The following RPH3AL variants were observed in gnomAD, a reference collection of about 807,000 sequenced individuals.
RPH3AL encodes the protein rabphilin 3A like (without C2 domains), also known as rab effector Noc2.
A neutral mutation model predicts 43.1 loss-of-function variants in RPH3AL; 38 were observed. The observed-to-expected ratio is 0.88, with a 90% CI of 0.68 to 1.15. The LOEUF is 1.15. Among genes scored for constraint, RPH3AL ranks in the 50% most tolerant of loss-of-function variants. RPH3AL has a pLI of 0.00. For synonymous variants in RPH3AL, 189 were observed against 176.3 expected (o/e 1.07, Z -0.57); for missense variants, 462 against 423.2 (o/e 1.09, Z -0.81).
chr17:232,290 G>A (rs8075084), intron 7 of RPH3AL, among the ~76,000 whole-genome samples: 17,112 of 152,202 alleles, frequency 0.11, 1,044 homozygotes, highest in Middle Eastern at 0.16. Context: ...TAGCGGCCCC[G>A]TCACAGGTTG....
In RPH3AL at chr17:213,342, C is replaced by T. The variant is rs1010923071; in HGVS notation, c.*510G>A. 5.9e-5 allele frequency: 10 copies of T among 169,800 alleles called. No individual in the cohort carries two copies. The highest frequency in any genetic ancestry group is 1.3e-4 in the South Asian group (1 of 7,520). The allele number at this position is 169,800 out of a possible 1,614,324, so 10.5% of individuals were successfully genotyped here. On this transcript the variant is annotated 3_prime_UTR_variant, in exon 10 of 10. Coordinates refer to ENST00000331302, the MANE Select transcript of RPH3AL (RefSeq NM_006987.4). Reference sequence around the variant, plus strand: ...GCCAGCCCATGGGAGGGGGGCACTGCGCCTGCCTCCCAGAGCTGAAGGGAG... The same window carrying T: ...GCCAGCCCATGGGAGGGGGGCACTGTGCCTGCCTCCCAGAGCTGAAGGGAG...
At chr17:317,179 A>G (rs981120105) in intron 5 of RPH3AL, among the ~76,000 whole-genome samples, 5 of 133,718 alleles carry the variant, frequency 3.7e-5, no homozygotes, top group Admixed American at 7.7e-5. Flanking sequence ...CCTGTGCTCC[A>G]CCTCCATTGA....
intron 7 of RPH3AL, among the ~76,000 whole-genome samples, chr17:235,713 T>G (rs1181518992): frequency 1.8e-5 from 1 of 55,918 alleles, no homozygotes; most frequent in Admixed American, 2.0e-4. Context: ...GGTTCAAAGC[T>G]GGGGTCAGCG....
At chr17:315,579 C>T (rs1555520109) in intron 5 of RPH3AL, among the ~76,000 whole-genome samples, 2 of 152,018 alleles carry the variant, frequency 1.3e-5, no homozygotes, top group Admixed American at 6.5e-5. Context: ...CCTCCATTGA[C>T]CTGTAGTCCC....
chr17:320,896 C>G (rs970511845), intron 4 of RPH3AL, among the ~76,000 whole-genome samples: 2 of 152,218 alleles, frequency 1.3e-5, no homozygotes, highest in Admixed American at 6.5e-5. Context: ...CCTGCTGGAG[C>G]CTTTCAGGGG....
chr17:305,723 C>T (rs184210241), intron 5 of RPH3AL, among the ~76,000 whole-genome samples: 1 of 152,114 alleles, frequency 6.6e-6, no homozygotes, highest in African/African-American at 2.4e-5. Flanking sequence ...CTCTCCTCAA[C>T]CTGGGCCCAC....
intron 7 of RPH3AL, among the ~76,000 whole-genome samples, chr17:239,174 G>C (rs1035719331): frequency 1.3e-5 from 2 of 152,174 alleles, no homozygotes; most frequent in African/African-American, 4.8e-5. Flanking sequence ...GGGAGGGAGA[G>C]AGCAGCAAAC....
chr17:348,077 C>T (rs2045276826), intron 1 of RPH3AL, among the ~76,000 whole-genome samples: 1 of 128,862 alleles, frequency 7.8e-6, no homozygotes. Flanking sequence ...GGCAACCCTT[C>T]TCTGCAAGGA....
intron 6 of RPH3AL, among the ~76,000 whole-genome samples, chr17:278,452 G>T (rs1342961576): frequency 6.6e-6 from 1 of 152,074 alleles, no homozygotes; most frequent in Non-Finnish European, 1.5e-5. Flanking sequence ...AAGTCACACT[G>T]GTCTCCTCGC....
At chr17:352,344 C>A (rs558748547) in intron 1 of RPH3AL, among the ~76,000 whole-genome samples, 1 of 152,230 alleles carries the variant, frequency 6.6e-6, no homozygotes, top group East Asian at 1.9e-4. Flanking sequence ...CCCCACTCCC[C>A]CAAATCCATC....
At chr17:292,545 T>A (rs978257593) in intron 5 of RPH3AL, among the ~76,000 whole-genome samples, 2 of 152,164 alleles carry the variant, frequency 1.3e-5, no homozygotes, top group African/African-American at 4.8e-5. Flanking sequence ...GTTAAGCAGC[T>A]CGACGTGGGG....
At chr17:219,526 CTT>C (rs375837087) in intron 8 of RPH3AL, 95 bp downstream of exon 8, 839 of 143,996 alleles carry the variant, frequency 5.8e-3, no homozygotes, top group East Asian at 0.015. Flanking sequence ...CTTTTTCTTC[CTT>C]TTTTTTTTTT....
intron 6 of RPH3AL, among the ~76,000 whole-genome samples, chr17:263,859 C>T (rs2042256838): frequency 6.6e-6 from 1 of 152,232 alleles, no homozygotes; most frequent in Admixed American, 6.5e-5. Context: ...CCACACATCA[C>T]TGCACCCACC....
intron 6 of RPH3AL, among the ~76,000 whole-genome samples, chr17:266,936 G>C (rs115065213): frequency 1.5e-3 from 224 of 152,316 alleles, no homozygotes; most frequent in African/African-American, 5.1e-3. Flanking sequence ...GCGTGCCCCT[G>C]GATCAGGGAG....
intron 6 of RPH3AL, among the ~76,000 whole-genome samples, chr17:258,591 G>A (rs782781378): frequency 1.1e-4 from 16 of 151,868 alleles, no homozygotes; most frequent in Non-Finnish European, 2.1e-4. Flanking sequence ...CCCAGCCCCC[G>A]GCCCGTGCCT....
At chr17:294,391 C>T (rs145243661) in intron 5 of RPH3AL, among the ~76,000 whole-genome samples, 2 of 152,160 alleles carry the variant, frequency 1.3e-5, no homozygotes, top group African/African-American at 4.8e-5. Flanking sequence ...AAGGTCGAGG[C>T]TGCAGTGAGT....
chr17:316,649 A>C (rs1266010389), intron 5 of RPH3AL, among the ~76,000 whole-genome samples: 1 of 136,332 alleles, frequency 7.3e-6, no homozygotes, highest in East Asian at 2.3e-4. Flanking sequence ...ATTGACCTGC[A>C]GTGCCTGTGC....
chr17:323,876 C>G lies in RPH3AL; in HGVS notation c.78-2461G>C, dbSNP rs1180993921. 6.6e-6 allele frequency among the ~76,000 whole-genome samples: 1 copy of G among 150,554 alleles called. No homozygotes were observed. Among genetic ancestry groups the G allele is most frequent in the Non-Finnish European group, 1.5e-5 (1 of 67,640 alleles). On this transcript the variant is annotated intron_variant, in intron 3 of 9. Transcript: ENST00000331302. The surrounding 1 kb of genome is among the most constrained non-coding windows in gnomAD (Gnocchi z 4.4). Reference sequence around the variant, plus strand: ...TGCGAGGCAGGCCTGGACCCTCAGTCACCCCCCAAGGCAGGCCCAGACCCT... The same window carrying G: ...TGCGAGGCAGGCCTGGACCCTCAGTGACCCCCCAAGGCAGGCCCAGACCCT...
Position 351,331 on chromosome 17 carries a change from T to C in RPH3AL, c.-213+1381A>G, listed in dbSNP as rs536774584. 2.0e-5 allele frequency among the ~76,000 whole-genome samples: 3 copies of C among 152,192 alleles called. No homozygotes were observed. In the East Asian group the frequency reaches 5.8e-4, roughly 29 times the overall value. On this transcript the variant is annotated intron_variant, in intron 1 of 9. Transcript: ENST00000331302. ...CAAGGACTGTCAAGAAACACTCCCC[T>C]CCTCAAGCACCCTCAATAGCTCCCA...
Sources: gnomAD v4.1 joint callset for allele counts (sites outside exome capture counted in the v4.1 genomes callset) on GRCh38, gnomAD v4.1.1 for gene constraint, Gnocchi (gnomAD v3.1) non-coding constraint, MANE v1.5 for transcripts, NCBI Gene and HGNC (gene_info 2026-07-23, HGNC 2026-07-21) for gene names.